Variants in STX8 observed in about 807,000 individuals in gnomAD.
STX8 encodes the protein syntaxin 8.
Under a neutral mutation model 37.5 loss-of-function variants are expected in STX8, and 23 were observed. The ratio of observed to expected loss-of-function variants is 0.61; its 90% CI spans 0.44 to 0.87. The LOEUF is 0.87. STX8 is among the 40% of genes least tolerant of loss of function. STX8 has a pLI of 0.00. For missense variants in STX8, 313 were observed against 284.7 expected, an observed-to-expected ratio of 1.10 and a Z score of -0.71; for synonymous variants, 115 against 99.1, an observed-to-expected ratio of 1.16 and a Z score of -0.95.
intron 6 of STX8, among the ~76,000 whole-genome samples, chr17:9,383,948 G>A (rs1911903760): frequency 6.6e-6 from 1 of 152,060 alleles, no homozygotes; most frequent in East Asian, 1.9e-4. Flanking sequence ...AACATTGCTG[G>A]GAGAAATGAA....
chr17:9,501,494 C>T (rs1904607017), intron 5 of STX8, among the ~76,000 whole-genome samples: 1 of 151,210 alleles, frequency 6.6e-6, no homozygotes, highest in Admixed American at 6.6e-5. Context: ...AGTTTGAGAC[C>T]AGCCTGGCCA....
In STX8 at chr17:9,404,200, TGAG is replaced by T. The variant is rs554941012; in HGVS notation, c.542-25550_542-25548del. On this transcript the variant is annotated intron_variant, in intron 6 of 7. Coordinates refer to ENST00000306357, the MANE Select transcript of STX8 (RefSeq NM_004853.3). ...CTCGTTATCTTCACATTGAGTAGGC[TGAG>T]GAGGAGGAAGAAAAGGGGTTGGTCT... 3.0e-3 allele frequency among the ~76,000 whole-genome samples: 455 copies of T among 152,026 alleles called. 2 individuals are homozygous for T. The highest frequency in any genetic ancestry group is 0.011 in the African/African-American group (441 of 41,448).
chr17:9,419,285 C>A (rs910140854), intron 6 of STX8, among the ~76,000 whole-genome samples: 3 of 151,956 alleles, frequency 2.0e-5, no homozygotes, highest in Non-Finnish European at 4.4e-5. Context: ...TGAGATCGCC[C>A]AAGGTGATCT....
chr17:9,529,291 G>A (rs1447975115), intron 4 of STX8, among the ~76,000 whole-genome samples: 4 of 152,106 alleles, frequency 2.6e-5, no homozygotes, highest in African/African-American at 7.2e-5. Context: ...GTGCGCACAC[G>A]CATGTGTGTG....
chr17:9,298,448 C>T (rs1039690616), intron 7 of STX8, among the ~76,000 whole-genome samples: 4 of 152,120 alleles, frequency 2.6e-5, no homozygotes, highest in Non-Finnish European at 5.9e-5. Flanking sequence ...ACGTGCACTC[C>T]TGCTTTGTCT....
At chr17:9,552,638 T>A (rs940275171) in intron 3 of STX8, among the ~76,000 whole-genome samples, 8 of 151,970 alleles carry the variant, frequency 5.3e-5, no homozygotes, top group African/African-American at 1.7e-4. Flanking sequence ...TAGAGAAAAT[T>A]TATTTATAGA....
Position 9,526,238 on chromosome 17 carries a change from T to G in STX8, c.323+18934A>C, listed in dbSNP as rs117187418. 4.9e-3 allele frequency among the ~76,000 whole-genome samples: 739 copies of G among 152,316 alleles called. 9 individuals are homozygous for G. Among genetic ancestry groups the G allele is most frequent in the Admixed American group, 0.019 (294 of 15,296 alleles). On this transcript the variant is annotated intron_variant, in intron 4 of 7. Transcript: ENST00000306357. ...AGGACCTGGGTTCTAGTTCTCTCTC[T>G]TCCATTGATTCACCATGGGCACAAC...
At chr17:9,516,161 CT>C (rs993282880) in intron 4 of STX8, among the ~76,000 whole-genome samples, 5 of 151,586 alleles carry the variant, frequency 3.3e-5, no homozygotes, top group African/African-American at 1.2e-4. Context: ...TATTGCTCCT[CT>C]GAACTTAATG....
chr17:9,430,004 ATT>A (rs1491570921), intron 6 of STX8, among the ~76,000 whole-genome samples: 4 of 16,658 alleles, frequency 2.4e-4, no homozygotes, highest in East Asian at 2.3e-3. Flanking sequence ...TAATATATAT[ATT>A]ATATATTATA....
intron 7 of STX8, among the ~76,000 whole-genome samples, chr17:9,351,302 C>T (rs541496051): frequency 6.0e-5 from 9 of 149,886 alleles, no homozygotes; most frequent in East Asian, 4.0e-4. Context: ...GGATTACAGG[C>T]GCGCACCACC....
chr17:9,500,224 T>G (rs1226922539), intron 5 of STX8, among the ~76,000 whole-genome samples: 1 of 152,152 alleles, frequency 6.6e-6, no homozygotes, highest in African/African-American at 2.4e-5. Flanking sequence ...CTGCCCAAGA[T>G]GGACTGACAG....
chr17:9,295,382 G>A (rs1908477289), intron 7 of STX8, among the ~76,000 whole-genome samples: 1 of 152,190 alleles, frequency 6.6e-6, no homozygotes, highest in African/African-American at 2.4e-5. Flanking sequence ...TCCCTAGCAT[G>A]TAGCAGACAT....
chr17:9,264,741 T>G (rs939807181), intron 7 of STX8, among the ~76,000 whole-genome samples: 1 of 152,214 alleles, frequency 6.6e-6, no homozygotes, highest in Non-Finnish European at 1.5e-5. Context: ...TAATGCTTCA[T>G]GTGGTTTTAA....
intron 7 of STX8, among the ~76,000 whole-genome samples, chr17:9,303,930 G>T (rs12944053): frequency 6.6e-6 from 1 of 151,578 alleles, no homozygotes; most frequent in African/African-American, 2.4e-5. Context: ...AAAAGAACAG[G>T]TTGATAATTA....
intron 2 of STX8, 139 bp from the exon 3 acceptor site, chr17:9,557,667 C>A: frequency 1.4e-6 from 1 of 709,582 alleles, no homozygotes; most frequent in Admixed American, 2.3e-5. Context: ...CCCCTCACGA[C>A]AAACTCAGGG....
intron 7 of STX8, among the ~76,000 whole-genome samples, chr17:9,319,633 T>C (rs551129020): frequency 6.6e-6 from 1 of 151,874 alleles, no homozygotes; most frequent in African/African-American, 2.4e-5. Flanking sequence ...AAAAGGAAGA[T>C]TCGGTTCAGA....
At chr17:9,431,239 G>GT (rs35452165) in intron 6 of STX8, among the ~76,000 whole-genome samples, 52,015 of 120,104 alleles carry the variant, frequency 0.43, 10,558 homozygotes, top group Middle Eastern at 0.57. Context: ...TTATTTTTCT[G>GT]TTTTTTTTTT....
At chr17:9,331,511 T>C (rs1216358697) in intron 7 of STX8, among the ~76,000 whole-genome samples, 1 of 152,178 alleles carries the variant, frequency 6.6e-6, no homozygotes. Context: ...GTGGCTGCAG[T>C]AATGAAGCTG....
At chr17:9,319,468 A>G (rs1321348880) in intron 7 of STX8, among the ~76,000 whole-genome samples, 1 of 152,044 alleles carries the variant, frequency 6.6e-6, no homozygotes, top group Non-Finnish European at 1.5e-5. Flanking sequence ...AAAAGAAAAA[A>G]CTGCATTATC....
Sources: gnomAD v4.1 joint callset for allele counts (sites outside exome capture counted in the v4.1 genomes callset) on GRCh38, gnomAD v4.1.1 for gene constraint, MANE v1.5 for transcripts, NCBI Gene and HGNC (gene_info 2026-07-23, HGNC 2026-07-21) for gene names.